RASA1: variants seen among roughly 807,000 people sequenced by gnomAD.
The protein encoded by RASA1 is RAS p21 protein activator 1.
RASA1 carries 25 observed loss-of-function variants against 132.2 expected under a neutral mutation model. The observed-to-expected ratio is 0.19, with a 90% CI of 0.14 to 0.26. The LOEUF (loss-of-function observed/expected upper bound fraction) is 0.26, where lower values mean the gene tolerates loss of function less well. Ranked by LOEUF, RASA1 falls within the 10% of genes least tolerant of loss-of-function variation. The pLI, the probability that RASA1 is intolerant of heterozygous loss-of-function variation, is 1.00. For missense variants in RASA1, 964 were observed against 1,299.2 expected (o/e 0.74, Z 3.97); for synonymous variants, 477 against 449.9 (o/e 1.06, Z -0.76).
intron 24 of RASA1, among the ~76,000 whole-genome samples, chr5:87,390,424 C>T (rs1209791419): frequency 3.3e-5 from 5 of 151,792 alleles, no homozygotes; most frequent in African/African-American, 7.3e-5. Context: ...TGTTTCTCCC[C>T]GCCCCTCCCC....
At chr5:87,316,731 A>G (rs1185590583) in intron 1 of RASA1, among the ~76,000 whole-genome samples, 1 of 152,144 alleles carries the variant, frequency 6.6e-6, no homozygotes, top group Non-Finnish European at 1.5e-5. Flanking sequence ...AGCCTCTCAC[A>G]ATTATAGATA....
intron 7 of RASA1, among the ~76,000 whole-genome samples, chr5:87,347,992 G>T (rs1176119545): frequency 2.6e-5 from 4 of 151,936 alleles, no homozygotes; most frequent in Non-Finnish European, 4.4e-5. Flanking sequence ...TGAGGATCTG[G>T]TGGGATTTTC....
chr5:87,331,420 T>C lies in RASA1; in HGVS notation c.612T>C (p.Tyr204=), dbSNP rs377014568. The part of the protein sequence containing the change: ...RLRQAGKSGS[Y]LIRESDRRPG... ...GGCAGGCAGGGAAGTCTGGCAGTTA[T>C]CTTATAAGAGAGAGTGATCGGAGGC... The change falls in exon 2 of 25, where the codon TAT becomes TAC. Residue 204 remains tyrosine, a synonymous_variant. Coordinates refer to ENST00000274376, the MANE Select transcript of RASA1 (RefSeq NM_002890.3). 4.6e-4 allele frequency: 750 copies of C among 1,613,848 alleles called. 13 individuals are homozygous for C. The South Asian group carries it at 7.8e-3, about 17-fold the overall frequency.
At chr5:87,319,817 C>T (rs1376470721) in intron 1 of RASA1, among the ~76,000 whole-genome samples, 1 of 152,178 alleles carries the variant, frequency 6.6e-6, no homozygotes. Context: ...TGAATTTCTC[C>T]CCCCAAAATG....
rs192600936 is a variant in RASA1 at position 87,332,292 on chromosome 5, T to C, written c.693-215T>C. ...GTAATTGAGGTTTATAAGCCTGATA[T>C]GTATTTCACATCAAATGCATGTATA... is the stretch of plus-strand genomic sequence containing the variant. On this transcript the variant is annotated intron_variant, in intron 2 of 24. Transcript: ENST00000274376. Among the ~76,000 whole-genome samples the C allele has an allele frequency of 2.8e-4, 42 of 152,222 alleles. No individual in the cohort carries two copies. The East Asian group carries it at 6.7e-3, about 24-fold the overall frequency.
intron 1 of RASA1, among the ~76,000 whole-genome samples, chr5:87,273,964 C>A (rs940408472): frequency 1.3e-5 from 2 of 152,198 alleles, no homozygotes; most frequent in Admixed American, 6.5e-5. Flanking sequence ...TCCCAAAGTG[C>A]TGGGATTACA....
chr5:87,300,312 G>T (rs1313992768), intron 1 of RASA1, among the ~76,000 whole-genome samples: 2 of 152,158 alleles, frequency 1.3e-5, no homozygotes, highest in Non-Finnish European at 2.9e-5. Flanking sequence ...AAGTGGTTGA[G>T]CTTGCAGTGA....
intron 1 of RASA1, among the ~76,000 whole-genome samples, chr5:87,276,313 G>A (rs1436628117): frequency 2.6e-5 from 4 of 152,144 alleles, no homozygotes; most frequent in African/African-American, 9.7e-5. Flanking sequence ...GTTGTTTATT[G>A]TTTGAATATG....
At chr5:87,337,347 TC>T (rs1310752121) in intron 4 of RASA1, among the ~76,000 whole-genome samples, 1 of 152,052 alleles carries the variant, frequency 6.6e-6, no homozygotes. Context: ...TACATTCCTT[TC>T]TCATAATATA....
chr5:87,299,300 A>G (rs1755257574), intron 1 of RASA1, among the ~76,000 whole-genome samples: 1 of 152,224 alleles, frequency 6.6e-6, no homozygotes, highest in Non-Finnish European at 1.5e-5. Flanking sequence ...GGAGTAGTAT[A>G]GAGGAAGAAC....
chr5:87,322,048 C>T (rs188519703), intron 1 of RASA1, among the ~76,000 whole-genome samples: 36 of 152,162 alleles, frequency 2.4e-4, no homozygotes, highest in Admixed American at 6.5e-4. Flanking sequence ...AATGAGACCT[C>T]CATTGTTGGA....
Position 87,316,254 on chromosome 5 carries a change from G to A in RASA1, c.540-15094G>A, listed in dbSNP as rs560660326. Among the ~76,000 whole-genome samples the A allele has an allele frequency of 5.3e-5, 8 of 152,286 alleles. No homozygotes were observed. The South Asian group carries it at 1.7e-3, about 32-fold the overall frequency. On this transcript the variant is annotated intron_variant, in intron 1 of 24. Transcript: ENST00000274376. The stretch of plus-strand genomic sequence containing the variant: ...TAAGATGTTCTTGCTATGGTACCTG[G>A]AAGATAATTCCTTCTTTGCCTGGTT...
intron 1 of RASA1, among the ~76,000 whole-genome samples, chr5:87,308,176 G>A (rs1437805891): frequency 6.6e-6 from 1 of 151,408 alleles, no homozygotes; most frequent in Non-Finnish European, 1.5e-5. Context: ...AGTTCTGCTG[G>A]ATTGTTTTCC....
Position 87,374,894 on chromosome 5 carries a change from G to T in RASA1, c.1989G>T (p.Lys663Asn). The part of the protein sequence containing the change: ...RFEITLSNKT[K>N]KSKDPDILFM... ...AAATAACTCTTAGTAATAAAACAAAGAAAAGCAAAGATCCTGATATCTGTA... is the reference window on the plus strand; with the variant it reads ...AAATAACTCTTAGTAATAAAACAAATAAAAGCAAAGATCCTGATATCTGTA... The change falls in exon 15 of 25, where the codon AAG (lysine) becomes AAT (asparagine). Residue 663 changes from lysine to asparagine, a missense_variant. Physicochemically the swap from Lys to Asn is moderately conservative, Grantham distance 94. Transcript: ENST00000274376. The T allele has an allele frequency of 6.2e-7, 1 of 1,607,040 alleles. No homozygotes were observed. The highest frequency in any genetic ancestry group is 1.1e-5 in the South Asian group (1 of 90,710).
At chr5:87,321,847 A>G (rs1756839714) in intron 1 of RASA1, among the ~76,000 whole-genome samples, 1 of 152,214 alleles carries the variant, frequency 6.6e-6, no homozygotes, top group African/African-American at 2.4e-5. Context: ...ACCCTCTCTG[A>G]AATGAGGGCA....
At chr5:87,304,408 A>G (rs1755513626) in intron 1 of RASA1, among the ~76,000 whole-genome samples, 1 of 152,142 alleles carries the variant, frequency 6.6e-6, no homozygotes, top group African/African-American at 2.4e-5. Flanking sequence ...AGGAACTTAG[A>G]ACATCTGAAC....
chr5:87,277,014 TA>T (rs920542206), intron 1 of RASA1, among the ~76,000 whole-genome samples: 5 of 152,264 alleles, frequency 3.3e-5, no homozygotes, highest in African/African-American at 1.2e-4. Flanking sequence ...CATTTTTTTT[TA>T]AATTTTAGAG....
At chr5:87,325,810 T>A (rs2112350464) in intron 1 of RASA1, among the ~76,000 whole-genome samples, 1 of 152,330 alleles carries the variant, frequency 6.6e-6, no homozygotes, top group East Asian at 1.9e-4. Flanking sequence ...TGTAAATAAT[T>A]GTATAGTTTC....
In RASA1 at chr5:87,291,079, G is replaced by A. The variant is rs145478108; in HGVS notation, c.539+22089G>A. ...TTTTGCATTCCCACCTGTAGTGAGT[G>A]AGAGTTCCTGTTGCTCTACATTCTT... On this transcript the variant is annotated intron_variant, in intron 1 of 24. Transcript: ENST00000274376. 2.3e-3 allele frequency among the ~76,000 whole-genome samples: 347 copies of A among 152,310 alleles called. 15 individuals are homozygous for A. In the East Asian group the frequency reaches 0.061, roughly 27 times the overall value.
Sources: gnomAD v4.1 joint callset for allele counts (sites outside exome capture counted in the v4.1 genomes callset) on GRCh38, gnomAD v4.1.1 for gene constraint, MANE v1.5 for transcripts, NCBI Gene and HGNC (gene_info 2026-07-23, HGNC 2026-07-21) for gene names.